ZNF799: variants seen among roughly 807,000 people sequenced by gnomAD.
ZNF799 encodes zinc finger protein 14.
A neutral mutation model predicts 41.0 loss-of-function variants in ZNF799; 28 were observed. The ratio of observed to expected loss-of-function variants is 0.68; its 90% CI spans 0.51 to 0.94. ZNF799 has a LOEUF of 0.94. ZNF799 is among the 40% of genes least tolerant of loss of function. The pLI is 0.00. For synonymous variants in ZNF799, 213 were observed against 252.9 expected (o/e 0.84, Z 1.50); for missense variants, 716 against 764.3 (o/e 0.94, Z 0.74).
At position 12,390,863 on chromosome 19, in the gene ZNF799, G is replaced by A. The variant is rs752722959; in HGVS notation, c.1535C>T (p.Ala512Val). The stretch of plus-strand genomic sequence containing the variant: ...TTTTAAGTTACCAAAATGACTGAAG[G>A]CTTTCTTACATGTGTTACACTCATA... ...KPYECNTCKK[A>V]FSHFGNLKVH... Residue 512 changes from alanine (A) to valine (V), a missense_variant, in exon 4 of 4, where the codon GCC becomes GTC. Coordinates refer to ENST00000430385, the MANE Select transcript of ZNF799 (RefSeq NM_001080821.3). The A allele has an allele frequency of 6.2e-7, 1 of 1,614,090 alleles. No homozygotes were observed. Among genetic ancestry groups the A allele is most frequent in the Non-Finnish European group, 8.5e-7 (1 of 1,180,000 alleles).
intron 1 of ZNF799, chr19:12,400,814 C>G (rs542470539): frequency 3.3e-6 from 2 of 600,896 alleles, no homozygotes; most frequent in Middle Eastern, 4.5e-4. Context: ...TCGGGAGACG[C>G]GAGGCTGCGG....
the ZNF799 span, among the ~76,000 whole-genome samples, chr19:12,408,430 T>G: frequency 6.6e-6 from 1 of 152,114 alleles, no homozygotes; most frequent in African/African-American, 2.4e-5. Flanking sequence ...CATTTAAACA[T>G]GTATTATCTA....
chr19:12,413,950 C>T, the ZNF799 span, among the ~76,000 whole-genome samples: 1 of 152,336 alleles, frequency 6.6e-6, no homozygotes, highest in East Asian at 1.9e-4. Context: ...CTAGGCCGTG[C>T]ACACGCACCA....
At chr19:12,411,438 C>T in the ZNF799 span, among the ~76,000 whole-genome samples, 10 of 152,008 alleles carry the variant, frequency 6.6e-5, no homozygotes, top group Non-Finnish European at 1.3e-4. Context: ...TAGCAGGCAA[C>T]GATATAAATG....
At chr19:12,395,142 T>TC (rs1362558690) in intron 1 of ZNF799, 2 of 138,630 alleles carry the variant, frequency 1.4e-5, no homozygotes, top group East Asian at 2.0e-4. Context: ...AAAGCTGTCT[T>TC]TTTTTTTTTT....
chr19:12,402,710 T>C (rs1281083555), upstream of ZNF799, among the ~76,000 whole-genome samples: 2 of 152,094 alleles, frequency 1.3e-5, no homozygotes, highest in African/African-American at 4.8e-5. Flanking sequence ...GTTTGCCCTT[T>C]ATTCTGTTGA....
Position 12,391,031 on chromosome 19 carries a change from G to T in ZNF799, c.1367C>A (p.Ala456Asp), listed in dbSNP as rs760683917. The T allele has an allele frequency of 3.7e-6, 6 of 1,614,024 alleles. No individual in the cohort carries two copies. In the African/African-American group the frequency reaches 6.7e-5, roughly 18 times the overall value. Residue 456 changes from alanine (A) to aspartate (D), a missense_variant, in exon 4 of 4, where the codon GCC becomes GAC. Transcript: ENST00000430385. ...TTGAAAGGAATAGAAATCAATAAAG[G>T]CTTTCCCACATTTGCATTTATAGGG... ...EKPYKCKCGK[A>D]FIDFYSFQNH...
intron 1 of ZNF799, chr19:12,400,649 C>A: frequency 3.0e-6 from 1 of 330,544 alleles, no homozygotes; most frequent in Non-Finnish European, 5.6e-6. Flanking sequence ...AACGACCCTA[C>A]ACCCAGCCGC....
At chr19:12,410,283 A>G in the ZNF799 span, among the ~76,000 whole-genome samples, 1 of 115,644 alleles carries the variant, frequency 8.6e-6, no homozygotes, top group Non-Finnish European at 1.8e-5. Flanking sequence ...ATATATATAT[A>G]TATATATATA....
At chr19:12,414,038 G>C in the ZNF799 span, among the ~76,000 whole-genome samples, 1 of 152,180 alleles carries the variant, frequency 6.6e-6, no homozygotes, top group Non-Finnish European at 1.5e-5. Context: ...GCCAGAGGCT[G>C]CCACAGAACT....
At chr19:12,410,876 A>G in the ZNF799 span, among the ~76,000 whole-genome samples, 1 of 152,248 alleles carries the variant, frequency 6.6e-6, no homozygotes, top group African/African-American at 2.4e-5. Flanking sequence ...TCACAAAATT[A>G]GACCCATGTA....
In ZNF799 at chr19:12,392,090, T is replaced by C. The variant is rs748097824; in HGVS notation, c.308A>G (p.Tyr103Cys). The change falls in exon 4 of 4, where the codon TAT (tyrosine) becomes TGT (cysteine). Residue 103 changes from tyrosine (Y) to cysteine (C), a missense_variant. Coordinates refer to ENST00000430385, the MANE Select transcript of ZNF799 (RefSeq NM_001080821.3). Reference sequence around the variant, plus strand: ...GACTTCTCCACTCATACGGCTTTCATATGGACCTACTCCAGGAAGAGTGTT... The same window carrying C: ...GACTTCTCCACTCATACGGCTTTCACATGGACCTACTCCAGGAAGAGTGTT... ...TKNTLPGVGP[Y>C]ESRMSGEVIM... The C allele has an allele frequency of 3.1e-6, 5 of 1,613,872 alleles. No homozygotes were observed. The highest frequency in any genetic ancestry group is 2.7e-5 in the African/African-American group (2 of 74,812).
chr19:12,394,748 A>G, intron 1 of ZNF799: 3 of 985,226 alleles, frequency 3.0e-6, no homozygotes, highest in Non-Finnish European at 3.6e-6. Flanking sequence ...TAAGAAACTA[A>G]AACAAATCTT....
At chr19:12,410,256 T>TATATAC in the ZNF799 span, among the ~76,000 whole-genome samples, 1 of 6,902 alleles carries the variant, frequency 1.4e-4, no homozygotes, top group East Asian at 4.0e-3. Context: ...TCTGTGTGCA[T>TATATAC]ATATATATAT....
chr19:12,391,950 A>C lies in ZNF799; in HGVS notation c.448T>G (p.Phe150Val). The part of the protein sequence containing the change: ...PDTHKQRGKA[F>V]SYHNSLQTHE... Reference sequence around the variant, plus strand: ...GTTTGAAGTGAGTTGTGGTAACTGAAGGCTTTCCCACGTTGTTTATGCGTA... The same window carrying C: ...GTTTGAAGTGAGTTGTGGTAACTGACGGCTTTCCCACGTTGTTTATGCGTA... The change falls in exon 4 of 4, where the codon TTC becomes GTC. Residue 150 changes from phenylalanine to valine, a missense_variant. Transcript: ENST00000430385. 1 of 1,614,180 alleles carries C rather than the reference A, an allele frequency of 6.2e-7. No homozygotes were observed. The highest frequency in any genetic ancestry group is 8.5e-7 in the Non-Finnish European group (1 of 1,180,030).
chr19:12,401,152 G>A lies in ZNF799; in HGVS notation c.-82C>T. On this transcript the variant is annotated 5_prime_UTR_variant, in exon 1 of 4. Transcript: ENST00000430385. Reference sequence around the variant, plus strand: ...TTCCCGCGGGACACAGGCTGCCACGGAACTTCCAGGTCGTCTCTTAGCTAC... The same window carrying A: ...TTCCCGCGGGACACAGGCTGCCACGAAACTTCCAGGTCGTCTCTTAGCTAC... 1.4e-5 allele frequency: 22 copies of A among 1,610,198 alleles called. No homozygotes were observed. Among genetic ancestry groups the A allele is most frequent in the Non-Finnish European group, 1.7e-5 (20 of 1,178,792 alleles).
the ZNF799 span, among the ~76,000 whole-genome samples, chr19:12,410,254 CA>C: frequency 3.2e-4 from 20 of 61,998 alleles, no homozygotes; most frequent in South Asian, 0.013. Flanking sequence ...TGTCTGTGTG[CA>C]TATATATATA....
At chr19:12,396,706 C>T (rs1370548717) in intron 1 of ZNF799, among the ~76,000 whole-genome samples, 1 of 148,828 alleles carries the variant, frequency 6.7e-6, no homozygotes, top group African/African-American at 2.5e-5. Context: ...CAGGGTACAA[C>T]TAAAATGAAG....
upstream of ZNF799, among the ~76,000 whole-genome samples, chr19:12,402,727 A>G (rs1307460582): frequency 6.6e-6 from 1 of 152,010 alleles, no homozygotes; most frequent in African/African-American, 2.4e-5. Flanking sequence ...TTGAAATGAT[A>G]CATCACATTG....
Sources: allele counts gnomAD v4.1 joint callset (sites outside exome capture counted in the v4.1 genomes callset), GRCh38; gene constraint gnomAD v4.1.1; transcripts MANE v1.5; gene names NCBI Gene and HGNC (gene_info 2026-07-23, HGNC 2026-07-21).